Variants in RALYL observed in about 807,000 individuals in gnomAD.
The protein encoded by RALYL is RALY RNA binding protein like.
Under a neutral mutation model 35.1 loss-of-function variants are expected in RALYL, and 29 were observed. The observed-to-expected ratio is 0.83, with a 90% CI of 0.61 to 1.13. RALYL has a LOEUF of 1.13. RALYL is among the 50% of genes most tolerant of loss of function. RALYL has a pLI of 0.00. For missense variants in RALYL, 359 were observed against 360.4 expected (o/e 1.00, Z 0.03); for synonymous variants, 120 against 127.6 (o/e 0.94, Z 0.40).
chr8:84,300,816 A>G (rs1318492236), intron 1 of RALYL, among the ~76,000 whole-genome samples: 1 of 151,886 alleles, frequency 6.6e-6, no homozygotes, highest in Non-Finnish European at 1.5e-5. Context: ...GACAGCATAC[A>G]GTTGGGTCTT....
chr8:84,389,204 C>T (rs979040319), intron 1 of RALYL, among the ~76,000 whole-genome samples: 6 of 152,030 alleles, frequency 3.9e-5, no homozygotes, highest in African/African-American at 1.2e-4. Flanking sequence ...TGATCTATAT[C>T]TCTGTTTTGG....
intron 7 of RALYL, among the ~76,000 whole-genome samples, chr8:84,884,342 AAAGTCAG>A (rs1842627929): frequency 6.6e-6 from 1 of 152,032 alleles, no homozygotes; most frequent in African/African-American, 2.4e-5. Context: ...GAAGATCAGG[AAAGTCAG>A]CTTTCCTGAT....
intron 2 of RALYL, among the ~76,000 whole-genome samples, chr8:84,614,790 T>G (rs1168098425): frequency 6.6e-6 from 1 of 151,058 alleles, no homozygotes; most frequent in African/African-American, 2.5e-5. Context: ...TTTTTTTTTT[T>G]TCATTTTCTT....
intron 2 of RALYL, among the ~76,000 whole-genome samples, chr8:84,562,203 T>C (rs946906515): frequency 5.3e-5 from 8 of 151,964 alleles, no homozygotes; most frequent in South Asian, 4.1e-4. Context: ...CCAGCTATCA[T>C]GTAACCTCAT....
intron 1 of RALYL, among the ~76,000 whole-genome samples, chr8:84,462,160 T>C (rs2050869132): frequency 6.6e-6 from 1 of 151,460 alleles, no homozygotes; most frequent in South Asian, 2.1e-4. Context: ...TTCTAAGGTG[T>C]GTAGTGATAT....
At chr8:84,195,099 G>A (rs1814907272) in intron 1 of RALYL, among the ~76,000 whole-genome samples, 1 of 152,092 alleles carries the variant, frequency 6.6e-6, no homozygotes, top group African/African-American at 2.4e-5. Context: ...GAACTGTAGT[G>A]CAATTGATTC....
At chr8:84,626,339 T>A (rs1168329396) in intron 2 of RALYL, among the ~76,000 whole-genome samples, 1 of 152,166 alleles carries the variant, frequency 6.6e-6, no homozygotes. Flanking sequence ...CTGCATGATT[T>A]GTCAGTGAAA....
intron 2 of RALYL, among the ~76,000 whole-genome samples, chr8:84,597,277 T>A (rs1272201558): frequency 1.3e-5 from 2 of 152,164 alleles, no homozygotes; most frequent in African/African-American, 4.8e-5. Flanking sequence ...AACCAGACTT[T>A]CTTCCCCAAT....
chr8:84,390,786 G>A (rs1480593545), intron 1 of RALYL, among the ~76,000 whole-genome samples: 4 of 151,824 alleles, frequency 2.6e-5, no homozygotes, highest in Non-Finnish European at 2.9e-5. Flanking sequence ...CCATGGAAAC[G>A]CAGGCATTCT....
At chr8:84,748,659 T>C (rs1026053474) in intron 2 of RALYL, among the ~76,000 whole-genome samples, 7 of 152,100 alleles carry the variant, frequency 4.6e-5, no homozygotes, top group African/African-American at 1.7e-4. Context: ...TAGATTTACT[T>C]TGTATCTTAA....
At chr8:84,742,311 A>T (rs1807562880) in intron 2 of RALYL, among the ~76,000 whole-genome samples, 1 of 152,002 alleles carries the variant, frequency 6.6e-6, no homozygotes, top group Non-Finnish European at 1.5e-5. Context: ...AATATGTGAG[A>T]CCTTCAAAAC....
intron 1 of RALYL, among the ~76,000 whole-genome samples, chr8:84,514,458 G>A (rs1021852): frequency 0.38 from 58,053 of 151,960 alleles, 11,189 homozygotes; most frequent in South Asian, 0.51. Context: ...TCCATGATTA[G>A]GGAACCAGCA....
intron 1 of RALYL, among the ~76,000 whole-genome samples, chr8:84,368,362 A>C (rs1854963750): frequency 6.6e-6 from 1 of 152,174 alleles, no homozygotes; most frequent in Non-Finnish European, 1.5e-5. Context: ...TTTGATGCAC[A>C]AAATTATATC....
Position 84,811,835 on chromosome 8 carries a change from T to G in RALYL, c.365+7033T>G, listed in dbSNP as rs566775195. Among the ~76,000 whole-genome samples the G allele has an allele frequency of 2.0e-5, 3 of 152,336 alleles. No homozygotes were observed. The South Asian group carries it at 6.2e-4, about 32-fold the overall frequency. On this transcript the variant is annotated intron_variant, in intron 4 of 8. Transcript: ENST00000521268. ...TGAGACTTTCCAGAGCATTTTGCAT[T>G]TCTGTGTGTCCAGTGTTTCCTGAAT...
At chr8:84,360,162 C>A (rs1419308659) in intron 1 of RALYL, among the ~76,000 whole-genome samples, 1 of 152,154 alleles carries the variant, frequency 6.6e-6, no homozygotes, top group Non-Finnish European at 1.5e-5. Context: ...CATGAGCCAC[C>A]ATACCTGGCC....
At chr8:84,812,575 G>A (rs1239059769) in intron 4 of RALYL, among the ~76,000 whole-genome samples, 1 of 152,158 alleles carries the variant, frequency 6.6e-6, no homozygotes, top group Non-Finnish European at 1.5e-5. Context: ...GCATGTCCGA[G>A]CTCAGGCTCT....
intron 1 of RALYL, among the ~76,000 whole-genome samples, chr8:84,387,787 TTTTC>T (rs893259976): frequency 2.8e-4 from 42 of 147,752 alleles, no homozygotes; most frequent in Non-Finnish European, 3.0e-4. Context: ...AAGGTGGTTC[TTTTC>T]TTTCTTTCTT....
chr8:84,375,414 T>C (rs1856723853), intron 1 of RALYL, among the ~76,000 whole-genome samples: 1 of 151,778 alleles, frequency 6.6e-6, no homozygotes, highest in Non-Finnish European at 1.5e-5. Flanking sequence ...ATTTTTGCTT[T>C]TTACAGTCTG....
At chr8:84,680,504 G>A (rs960186983) in intron 2 of RALYL, among the ~76,000 whole-genome samples, 1 of 152,120 alleles carries the variant, frequency 6.6e-6, no homozygotes, top group African/African-American at 2.4e-5. Flanking sequence ...ATCCTCTCCA[G>A]CACCTGTTGT....
Sources: allele counts gnomAD v4.1 joint callset (sites outside exome capture counted in the v4.1 genomes callset), GRCh38; gene constraint gnomAD v4.1.1; transcripts MANE v1.5; gene names NCBI Gene and HGNC (gene_info 2026-07-23, HGNC 2026-07-21).